Variants in CDK14 observed in about 807,000 individuals in gnomAD.
CDK14 encodes cyclin dependent kinase 14.
CDK14 carries 34 observed loss-of-function variants against 60.7 expected under a neutral mutation model. The observed-to-expected ratio is 0.56, with a 90% CI of 0.43 to 0.75. The LOEUF (loss-of-function observed/expected upper bound fraction) is 0.75, where lower values mean the gene tolerates loss of function less well. CDK14 is among the 30% of genes least tolerant of loss of function. The pLI is 0.00. For missense variants in CDK14, 482 were observed against 564.1 expected, an observed-to-expected ratio of 0.85 and a Z score of 1.47; for synonymous variants, 197 against 203.7, an observed-to-expected ratio of 0.97 and a Z score of 0.28.
rs186421000 is a variant in CDK14, at chr7:90,778,980, C to T, written c.465-11593C>T. ...TTTTTAAGACATGGGCAACTGGACACGGTGGCTCACGTCTGTAATCCCAGC... is the reference window on the plus strand; with the variant it reads ...TTTTTAAGACATGGGCAACTGGACATGGTGGCTCACGTCTGTAATCCCAGC... On this transcript the variant is annotated intron_variant, in intron 4 of 14. Transcript: ENST00000380050. Among the ~76,000 whole-genome samples the T allele has an allele frequency of 9.9e-5, 15 of 151,500 alleles. No individual in the cohort carries two copies. The East Asian group carries it at 2.1e-3, about 22-fold the overall frequency.
At chr7:91,176,520 G>A (rs941042241) in intron 14 of CDK14, among the ~76,000 whole-genome samples, 9 of 152,228 alleles carry the variant, frequency 5.9e-5, no homozygotes, top group South Asian at 2.1e-4. Flanking sequence ...GAATCCAGGA[G>A]CTGGTTTTTT....
At chr7:90,814,293 G>T (rs997509003) in intron 5 of CDK14, among the ~76,000 whole-genome samples, 1 of 152,104 alleles carries the variant, frequency 6.6e-6, no homozygotes, top group African/African-American at 2.4e-5. Flanking sequence ...TCTTACAGTC[G>T]GAAGGAAAGT....
chr7:90,817,465 C>G (rs1409570466), intron 5 of CDK14, among the ~76,000 whole-genome samples: 2 of 152,154 alleles, frequency 1.3e-5, no homozygotes, highest in African/African-American at 4.8e-5. Context: ...AAGTTTCAGA[C>G]TGGAATGGGC....
chr7:90,963,936 G>C (rs995382110), intron 9 of CDK14, among the ~76,000 whole-genome samples: 1 of 151,836 alleles, frequency 6.6e-6, no homozygotes, highest in East Asian at 1.9e-4. Context: ...GGCTGGTCTC[G>C]AACTCCTGAC....
At chr7:90,827,598 G>A (rs534152557) in intron 5 of CDK14, among the ~76,000 whole-genome samples, 13 of 152,314 alleles carry the variant, frequency 8.5e-5, no homozygotes, top group African/African-American at 2.9e-4. Context: ...TATGGGTCCT[G>A]CAGAAACGCC....
chr7:90,872,179 T>C (rs980639616), intron 6 of CDK14, among the ~76,000 whole-genome samples: 4 of 152,224 alleles, frequency 2.6e-5, no homozygotes, highest in African/African-American at 9.6e-5. Context: ...TATAAATTGC[T>C]GTCACACATC....
At chr7:90,958,480 A>G (rs1794500612) in intron 9 of CDK14, among the ~76,000 whole-genome samples, 1 of 152,152 alleles carries the variant, frequency 6.6e-6, no homozygotes, top group Non-Finnish European at 1.5e-5. Flanking sequence ...TCTGTCATTA[A>G]GGGGCTGAGC....
intron 2 of CDK14, among the ~76,000 whole-genome samples, chr7:90,640,678 G>A (rs1223207302): frequency 6.6e-6 from 1 of 151,968 alleles, no homozygotes; most frequent in African/African-American, 2.4e-5. Context: ...TGAAAAGATA[G>A]GCCTCTGTGG....
intron 14 of CDK14, among the ~76,000 whole-genome samples, chr7:91,185,797 G>A (rs1383515464): frequency 1.3e-5 from 2 of 151,896 alleles, no homozygotes; most frequent in Admixed American, 6.6e-5. Context: ...GGGGTTTTTA[G>A]TGTATTCACA....
intron 14 of CDK14, among the ~76,000 whole-genome samples, chr7:91,201,838 A>G (rs987180839): frequency 6.6e-6 from 1 of 152,088 alleles, no homozygotes; most frequent in African/African-American, 2.4e-5. Context: ...GTGATGAAGC[A>G]CTCCTTGCTT....
intron 6 of CDK14, among the ~76,000 whole-genome samples, chr7:90,891,637 T>G (rs768753277): frequency 1.3e-5 from 2 of 152,234 alleles, no homozygotes; most frequent in Non-Finnish European, 2.9e-5. Flanking sequence ...TTAATCTAAC[T>G]TTCAAGAGAG....
chr7:90,892,841 C>T (rs941407178), intron 6 of CDK14, among the ~76,000 whole-genome samples: 3 of 152,154 alleles, frequency 2.0e-5, no homozygotes, highest in East Asian at 1.9e-4. Flanking sequence ...TGCAGTGGCA[C>T]GATCTTGGCT....
At chr7:91,086,361 G>A (rs898777017) in intron 12 of CDK14, among the ~76,000 whole-genome samples, 2 of 152,102 alleles carry the variant, frequency 1.3e-5, no homozygotes, top group African/African-American at 4.8e-5. Flanking sequence ...CCTGAGGGGC[G>A]CAGCCTGTTG....
chr7:90,777,836 T>G (rs932934155), intron 4 of CDK14, among the ~76,000 whole-genome samples: 5 of 152,242 alleles, frequency 3.3e-5, no homozygotes, highest in African/African-American at 1.2e-4. Context: ...GATCATCCAC[T>G]ATGCCTCAGA....
intron 4 of CDK14, among the ~76,000 whole-genome samples, chr7:90,777,036 T>G (rs553383590): frequency 6.6e-6 from 1 of 151,904 alleles, no homozygotes; most frequent in African/African-American, 2.4e-5. Context: ...AAAAAAGTCA[T>G]ACTTAAATAA....
chr7:90,942,578 T>C (rs927256312), intron 8 of CDK14, among the ~76,000 whole-genome samples: 1 of 152,140 alleles, frequency 6.6e-6, no homozygotes, highest in Non-Finnish European at 1.5e-5. Flanking sequence ...GATGAATAGC[T>C]TTCAGCACAC....
chr7:91,175,065 G>A (rs1390033018), intron 14 of CDK14, among the ~76,000 whole-genome samples: 4 of 144,234 alleles, frequency 2.8e-5, no homozygotes, highest in African/African-American at 5.4e-5. Flanking sequence ...GAGAAAGGTC[G>A]GGTTACCCTC....
intron 5 of CDK14, among the ~76,000 whole-genome samples, chr7:90,812,474 G>C (rs1021122351): frequency 9.2e-5 from 14 of 152,126 alleles, no homozygotes; most frequent in Admixed American, 7.9e-4. Flanking sequence ...TTGTGGGGTT[G>C]GGGAAGGGGG....
intron 14 of CDK14, among the ~76,000 whole-genome samples, chr7:91,177,034 G>A (rs1584173200): frequency 6.7e-6 from 1 of 149,598 alleles, no homozygotes; most frequent in South Asian, 2.1e-4. Flanking sequence ...CAATATCCTT[G>A]ATGAACATTG....
Sources: gnomAD v4.1 joint callset for allele counts (sites outside exome capture counted in the v4.1 genomes callset) on GRCh38, gnomAD v4.1.1 for gene constraint, MANE v1.5 for transcripts, NCBI Gene and HGNC (gene_info 2026-07-23, HGNC 2026-07-21) for gene names.